Variants in ZNF423 observed in about 807,000 individuals in gnomAD.
ZNF423 encodes Ebf-associated zinc finger protein.
Under a neutral mutation model 95.8 loss-of-function variants are expected in ZNF423, and 12 were observed. The observed-to-expected ratio is 0.13, with a 90% CI of 0.08 to 0.20. The LOEUF (loss-of-function observed/expected upper bound fraction) is 0.20. Ranked by LOEUF, ZNF423 falls within the 10% of genes least tolerant of loss-of-function variation. ZNF423 has a pLI of 1.00. For missense variants in ZNF423, 1,316 were observed against 1,737.1 expected, an observed-to-expected ratio of 0.76 and a Z score of 4.31; for synonymous variants, 749 against 711.9, an observed-to-expected ratio of 1.05 and a Z score of -0.83.
At chr16:49,586,439 C>T (rs1970837983) in intron 5 of ZNF423, among the ~76,000 whole-genome samples, 1 of 152,220 alleles carries the variant, frequency 6.6e-6, no homozygotes, top group African/African-American at 2.4e-5. Flanking sequence ...TAGGAAGAGT[C>T]AAGCCCCTAT....
At chr16:49,674,533 C>A (rs1286851421) in intron 3 of ZNF423, among the ~76,000 whole-genome samples, 3 of 152,174 alleles carry the variant, frequency 2.0e-5, no homozygotes, top group Non-Finnish European at 4.4e-5. Flanking sequence ...CACATCTGAC[C>A]CCAGGCAGTG....
intron 1 of ZNF423, among the ~76,000 whole-genome samples, chr16:49,795,235 TG>T (rs908834417): frequency 1.8e-4 from 27 of 152,044 alleles, no homozygotes; most frequent in African/African-American, 6.3e-4. Flanking sequence ...GCAGCAGGGA[TG>T]GGCTTTGTTC....
At chr16:49,647,574 G>A (rs1973226654) in intron 3 of ZNF423, among the ~76,000 whole-genome samples, 1 of 152,158 alleles carries the variant, frequency 6.6e-6, no homozygotes, top group African/African-American at 2.4e-5. Flanking sequence ...AGGAGGTTGA[G>A]GTGATGCAAT....
In ZNF423 at chr16:49,638,593, G is replaced by A; in HGVS notation, c.583C>T (p.Leu195=). The A allele has an allele frequency of 6.2e-7, 1 of 1,613,830 alleles. No individual in the cohort carries two copies. The highest frequency in any genetic ancestry group is 8.5e-7 in the Non-Finnish European group (1 of 1,179,970). Residue 195 remains leucine, a synonymous_variant, in exon 4 of 8, where the codon CTG becomes TTG. Coordinates refer to ENST00000563137, the MANE Select transcript of ZNF423 (RefSeq NM_001379286.1). This position sits in a 1 kb window ranked among gnomAD's most constrained non-coding sequence, Gnocchi z 5.6. The stretch of plus-strand genomic sequence containing the variant: ...TGATACTTCTTGTCGCCCGTATGCA[G>A]CTTGATGTGCCGGTCACGGCTCCTC... ...HKRSRDRHIK[L]HTGDKKYHCH...
intron 2 of ZNF423, among the ~76,000 whole-genome samples, chr16:49,733,668 CA>C (rs1262560984): frequency 6.6e-6 from 1 of 152,212 alleles, no homozygotes; most frequent in African/African-American, 2.4e-5. Context: ...TCAGGCCACA[CA>C]AAGGCGCGGA....
intron 2 of ZNF423, among the ~76,000 whole-genome samples, chr16:49,760,630 C>T (rs573137816): frequency 6.6e-6 from 1 of 152,206 alleles, no homozygotes; most frequent in East Asian, 1.9e-4. Context: ...TGGAGAAACA[C>T]ACATCAGACA....
chr16:49,830,468 C>A (rs1362560844), intron 1 of ZNF423, among the ~76,000 whole-genome samples: 9 of 152,158 alleles, frequency 5.9e-5, no homozygotes, highest in Non-Finnish European at 7.3e-5. Flanking sequence ...GCTTGAACAT[C>A]CCCAGATTCA....
intron 4 of ZNF423, among the ~76,000 whole-genome samples, chr16:49,633,835 C>T (rs1031548828): frequency 6.6e-6 from 1 of 152,170 alleles, no homozygotes; most frequent in East Asian, 1.9e-4. Context: ...GCTCTCCACT[C>T]CAGACAGGAC....
intron 1 of ZNF423, among the ~76,000 whole-genome samples, chr16:49,810,030 C>T (rs1055319378): frequency 6.6e-6 from 1 of 152,130 alleles, no homozygotes; most frequent in Non-Finnish European, 1.5e-5. Flanking sequence ...CTGCTGACAG[C>T]ACCCCTTCCC....
Position 49,586,598 on chromosome 16 carries a change from C to T in ZNF423, c.3601+39572G>A, listed in dbSNP as rs1045435051. 5.3e-5 allele frequency among the ~76,000 whole-genome samples: 8 copies of T among 152,352 alleles called. No homozygotes were observed. The East Asian group carries it at 1.4e-3, about 26-fold the overall frequency. On this transcript the variant is annotated intron_variant, in intron 5 of 7. Coordinates refer to ENST00000563137, the MANE Select transcript of ZNF423 (RefSeq NM_001379286.1). ...CTGGTCCCCGCCAGTGTGCCAGCTC[C>T]GAGCGGCAGGCGCAGCCCACGCTGG...
rs769972969 is a variant in ZNF423, at chr16:49,491,261, T to G, written c.*14A>C. On this transcript the variant is annotated 3_prime_UTR_variant, in exon 8 of 8. Coordinates refer to ENST00000563137, the MANE Select transcript of ZNF423 (RefSeq NM_001379286.1). ...GCAAGCCTTCTGCGGAGAGGTGTCC[T>G]GTTGAGCGATCCCTCACTGTGCGTG... 1.2e-6 allele frequency: 2 copies of G among 1,614,112 alleles called. No individual in the cohort carries two copies. Among genetic ancestry groups the G allele is most frequent in the Admixed American group, 3.3e-5 (2 of 60,024 alleles).
intron 5 of ZNF423, among the ~76,000 whole-genome samples, chr16:49,530,108 G>A (rs1312511244): frequency 3.9e-5 from 6 of 152,184 alleles, no homozygotes; most frequent in Admixed American, 1.3e-4. Context: ...GTGTGGACTG[G>A]AGTAAGTTAC....
At chr16:49,788,425 C>T (rs1285465394) in intron 2 of ZNF423, among the ~76,000 whole-genome samples, 2 of 152,244 alleles carry the variant, frequency 1.3e-5, no homozygotes, top group Non-Finnish European at 2.9e-5. Context: ...ATGAATTTAG[C>T]ATCATCGTAA....
chr16:49,607,862 C>G (rs1246610760), intron 5 of ZNF423, among the ~76,000 whole-genome samples: 1 of 152,154 alleles, frequency 6.6e-6, no homozygotes, highest in Non-Finnish European at 1.5e-5. Context: ...GCTCAAGATG[C>G]CCAGTCAGGA....
intron 5 of ZNF423, among the ~76,000 whole-genome samples, chr16:49,600,697 A>G (rs1375395164): frequency 6.6e-6 from 1 of 152,148 alleles, no homozygotes; most frequent in Non-Finnish European, 1.5e-5. Context: ...GCCAGCGGCA[A>G]GATTGACTGC....
chr16:49,845,011 G>A (rs2035227967), intron 1 of ZNF423, among the ~76,000 whole-genome samples: 1 of 117,804 alleles, frequency 8.5e-6, no homozygotes, highest in Non-Finnish European at 1.6e-5. Flanking sequence ...CTCAAGCCTG[G>A]GCATCAAGAG....
At chr16:49,622,566 G>A (rs1219754178) in intron 5 of ZNF423, among the ~76,000 whole-genome samples, 4 of 152,198 alleles carry the variant, frequency 2.6e-5, no homozygotes, top group Non-Finnish European at 1.5e-5. Flanking sequence ...AATGCCCAGG[G>A]GGCCCTGTTC....
intron 2 of ZNF423, among the ~76,000 whole-genome samples, chr16:49,770,199 T>TGAAC (rs964566695): frequency 3.5e-4 from 33 of 93,294 alleles, no homozygotes; most frequent in African/African-American, 1.8e-3. Context: ...AATAAAAGAA[T>TGAAC]GAACGAATGA....
chr16:49,528,565 A>T (rs947474640), intron 5 of ZNF423, among the ~76,000 whole-genome samples: 1 of 152,180 alleles, frequency 6.6e-6, no homozygotes, highest in South Asian at 2.1e-4. Flanking sequence ...AAACAAGCAA[A>T]AAGTGAAAGT....
Sources: gnomAD v4.1 joint callset for allele counts (sites outside exome capture counted in the v4.1 genomes callset) on GRCh38, gnomAD v4.1.1 for gene constraint, Gnocchi (gnomAD v3.1) non-coding constraint, MANE v1.5 for transcripts, NCBI Gene and HGNC (gene_info 2026-07-23, HGNC 2026-07-21) for gene names.